MMP16: variants seen among roughly 807,000 people sequenced by gnomAD.
The protein encoded by MMP16 is matrix metalloproteinase-16.
A neutral mutation model predicts 67.8 loss-of-function variants in MMP16; 12 were observed. The ratio of observed to expected loss-of-function variants is 0.18; its 90% CI spans 0.11 to 0.29. The LOEUF (loss-of-function observed/expected upper bound fraction) is 0.29. MMP16 is among the 10% of genes least tolerant of loss of function. The pLI, the probability that MMP16 is intolerant of heterozygous loss-of-function variation, is 1.00. For missense variants in MMP16, 475 were observed against 765.7 expected (o/e 0.62, Z 4.48); for synonymous variants, 249 against 255.9 (o/e 0.97, Z 0.26).
intron 4 of MMP16, among the ~76,000 whole-genome samples, chr8:88,159,370 G>C (rs918348782): frequency 1.3e-5 from 2 of 152,040 alleles, no homozygotes; most frequent in Non-Finnish European, 1.5e-5. Flanking sequence ...TCTTGAAGAG[G>C]TCCTTCACAT....
chr8:88,072,644 A>G (rs1465161271), intron 7 of MMP16, among the ~76,000 whole-genome samples: 2 of 152,172 alleles, frequency 1.3e-5, no homozygotes, highest in African/African-American at 4.8e-5. Flanking sequence ...AAGAAACACC[A>G]TACTGAGTCA....
At chr8:88,307,127 C>A (rs1403744197) in intron 1 of MMP16, among the ~76,000 whole-genome samples, 3 of 152,128 alleles carry the variant, frequency 2.0e-5, no homozygotes, top group African/African-American at 7.2e-5. Context: ...TTCCCATATG[C>A]CAACAGGCAA....
intron 1 of MMP16, among the ~76,000 whole-genome samples, chr8:88,270,588 T>C (rs1016178252): frequency 4.6e-5 from 7 of 152,326 alleles, no homozygotes; most frequent in African/African-American, 1.7e-4. Flanking sequence ...AATTTCCCAG[T>C]AGTAAGCAAA....
chr8:88,104,749 C>A (rs1809207662), intron 6 of MMP16, among the ~76,000 whole-genome samples: 1 of 151,186 alleles, frequency 6.6e-6, no homozygotes, highest in Admixed American at 6.6e-5. Flanking sequence ...GGAGGTATTC[C>A]ACTGAAGGGG....
chr8:88,216,775 T>C (rs975894413), intron 1 of MMP16, among the ~76,000 whole-genome samples: 1 of 152,126 alleles, frequency 6.6e-6, no homozygotes, highest in Non-Finnish European at 1.5e-5. Flanking sequence ...TTTCAGTTTG[T>C]CCCATTAATT....
intron 1 of MMP16, among the ~76,000 whole-genome samples, chr8:88,257,257 C>T (rs1325902520): frequency 6.6e-6 from 1 of 152,144 alleles, no homozygotes; most frequent in Non-Finnish European, 1.5e-5. Flanking sequence ...CTCAGAATGT[C>T]TTAGCATGTT....
intron 4 of MMP16, among the ~76,000 whole-genome samples, chr8:88,120,903 T>G (rs1171299274): frequency 6.6e-6 from 1 of 151,874 alleles, no homozygotes; most frequent in African/African-American, 2.4e-5. Flanking sequence ...CAGGTCCCCT[T>G]CACTAGAAAA....
intron 4 of MMP16, among the ~76,000 whole-genome samples, chr8:88,163,473 G>A (rs1424695358): frequency 3.9e-5 from 6 of 151,936 alleles, no homozygotes; most frequent in East Asian, 3.9e-4. Flanking sequence ...AGTAAGCAGC[G>A]TAACTGCAAT....
At chr8:88,152,092 G>A (rs1225101277) in intron 4 of MMP16, among the ~76,000 whole-genome samples, 1 of 29,350 alleles carries the variant, frequency 3.4e-5, no homozygotes, top group African/African-American at 1.7e-4. Flanking sequence ...ACACCTCTAC[G>A]CAAATAAACT....
chr8:88,056,576 C>A (rs985838694), intron 7 of MMP16, among the ~76,000 whole-genome samples: 1 of 151,828 alleles, frequency 6.6e-6, no homozygotes, highest in Admixed American at 6.6e-5. Flanking sequence ...CATAAAGAAA[C>A]AATTCTGAGT....
intron 1 of MMP16, among the ~76,000 whole-genome samples, chr8:88,322,306 A>C (rs1195395659): frequency 6.6e-6 from 1 of 152,218 alleles, no homozygotes; most frequent in East Asian, 1.9e-4. Flanking sequence ...GACATGACAA[A>C]ATGTGAAAAT....
chr8:88,066,751 T>C lies in MMP16; in HGVS notation c.1222+7854A>G, dbSNP rs542543709. The stretch of plus-strand genomic sequence containing the variant: ...CCCACACATGTCTACACATGCGAGG[T>C]TGAAAGAAAAAGTATCTAAAATACT... On this transcript the variant is annotated intron_variant, in intron 7 of 9. Coordinates refer to ENST00000286614, the MANE Select transcript of MMP16 (RefSeq NM_005941.5). Among the ~76,000 whole-genome samples, 5 of 151,946 alleles carry C rather than the reference T, an allele frequency of 3.3e-5. No homozygotes were observed. In the East Asian group the frequency reaches 9.7e-4, roughly 29 times the overall value.
intron 1 of MMP16, among the ~76,000 whole-genome samples, chr8:88,229,458 A>G (rs1809824783): frequency 1.3e-5 from 2 of 152,082 alleles, no homozygotes; most frequent in African/African-American, 4.8e-5. Context: ...AGAAAATGAG[A>G]GAGAAGGTAG....
intron 7 of MMP16, among the ~76,000 whole-genome samples, chr8:88,064,901 C>T (rs1245928385): frequency 2.0e-5 from 3 of 151,964 alleles, no homozygotes; most frequent in African/African-American, 7.3e-5. Context: ...GTGTGGTTGC[C>T]GCTGAGGTGT....
At chr8:88,197,378 T>C (rs1041003532) in intron 1 of MMP16, 72 bp from the exon 2 acceptor site, 7 of 1,313,542 alleles carry the variant, frequency 5.3e-6, no homozygotes, top group Admixed American at 5.9e-5. Context: ...AATTAATGTA[T>C]ATCTATAATA....
intron 1 of MMP16, among the ~76,000 whole-genome samples, chr8:88,250,742 G>C (rs921320541): frequency 6.6e-6 from 1 of 150,500 alleles, no homozygotes; most frequent in African/African-American, 2.4e-5. Flanking sequence ...CTTTGGTGTA[G>C]TCTTCCTAAT....
intron 4 of MMP16, among the ~76,000 whole-genome samples, chr8:88,144,991 G>A (rs1267908876): frequency 6.6e-6 from 1 of 151,938 alleles, no homozygotes; most frequent in East Asian, 1.9e-4. Context: ...GCTTATATAT[G>A]TTTTATTTTG....
intron 4 of MMP16, among the ~76,000 whole-genome samples, chr8:88,143,313 A>G (rs1808241737): frequency 2.0e-5 from 3 of 152,132 alleles, no homozygotes; most frequent in Admixed American, 1.3e-4. Flanking sequence ...ATATAAGTTG[A>G]TAATAAACCT....
intron 1 of MMP16, among the ~76,000 whole-genome samples, chr8:88,321,739 T>G (rs768619484): frequency 3.3e-5 from 5 of 152,196 alleles, no homozygotes; most frequent in Non-Finnish European, 5.9e-5. Context: ...CTAAAGCTTC[T>G]AGGCTTACGA....
Sources: gnomAD v4.1 joint callset for allele counts (sites outside exome capture counted in the v4.1 genomes callset) on GRCh38, gnomAD v4.1.1 for gene constraint, MANE v1.5 for transcripts, NCBI Gene and HGNC (gene_info 2026-07-23, HGNC 2026-07-21) for gene names.